Variants in PSMG2 observed in about 807,000 individuals in gnomAD.
PSMG2 encodes CD40 ligand-activated specific transcript 3.
In PSMG2, 21 loss-of-function variants were observed where a neutral mutation model predicts 31.5. The observed-to-expected ratio is 0.67, with a 90% CI of 0.47 to 0.96. The LOEUF is 0.96. PSMG2 is among the 40% of genes least tolerant of loss of function. The pLI is 0.00. For missense variants in PSMG2, 318 were observed against 321.2 expected (o/e 0.99, Z 0.08); for synonymous variants, 120 against 110.4 (o/e 1.09, Z -0.54).
chr18:12,683,186 C>CAAAAAAAAAAAAAAAAAAAAAAAAAAAA lies in PSMG2; in HGVS notation c.-36-23346_-36-23345insAAAAAAAAAAAAAAAAAAAAAAAAAAAA, dbSNP rs765652085. 1.7e-4 allele frequency among the ~76,000 whole-genome samples: 11 copies of CAAAAAAAAAAAAAAAAAAAAAAAAAAAA among 63,678 alleles called. 2 individuals carry two copies. Among genetic ancestry groups the CAAAAAAAAAAAAAAAAAAAAAAAAAAAA allele is most frequent in the Admixed American group, 5.5e-4 (3 of 5,502 alleles). 41.8% of individuals were successfully genotyped at this position (63,678 alleles called of 152,430 possible). ...GAAACCCCATCTCTACTAAAAATAC[C>CAAAAAAAAAAAAAAAAAAAAAAAAAAAA]AAAAAAAAAAAAAAAAAAGCCAGGC... On this transcript the variant is annotated intron_variant, in intron 1 of 6. Coordinates refer to the PSMG2 transcript ENST00000585331.
Position 12,718,532 on chromosome 18 carries a change from T to C in PSMG2, c.304T>C (p.Phe102Leu). 1 of 1,609,358 alleles carries C rather than the reference T, an allele frequency of 6.2e-7. No homozygotes were observed. The highest frequency in any genetic ancestry group is 1.1e-5 in the South Asian group (1 of 90,524). Residue 102 changes from phenylalanine (F) to leucine (L), a missense_variant, in exon 4 of 7, where the codon TTC (phenylalanine) becomes CTC (leucine). Coordinates refer to ENST00000317615, the MANE Select transcript of PSMG2 (RefSeq NM_020232.5). ...GTGTGCAAAGTATAAATCAAAGCCA[T>C]TCTGTGAAAAACTGCTTTCCTGGGT... ...SIFIKYKSKP[F>L]CEKLLSWVKS...
chr18:12,703,217 C>G, intron 1 of PSMG2, 53 bp downstream of exon 1: 4 of 1,546,256 alleles, frequency 2.6e-6, no homozygotes, highest in Non-Finnish European at 3.5e-6. Flanking sequence ...CCTGCGGTGT[C>G]GCCACCCCGA....
rs563656063 is a variant in PSMG2, at chr18:12,708,612, T to C, written c.229+1891T>C. Among the ~76,000 whole-genome samples the C allele has an allele frequency of 2.5e-3, 380 of 151,778 alleles. 1 individual carries two copies. The highest frequency in any genetic ancestry group is 8.8e-3 in the African/African-American group (366 of 41,400). ...CTCCCAAAATCAGGTGATCTGCCTG[T>C]CTTGGCCTCCTAAAGTGCTGGGATT... is the stretch of plus-strand genomic sequence containing the variant. On this transcript the variant is annotated intron_variant, in intron 2 of 6. Transcript: ENST00000317615.
At chr18:12,695,397 ATATT>A (rs1443694126) in intron 1 of PSMG2, 7 of 916,564 alleles carry the variant, frequency 7.6e-6, no homozygotes, top group Non-Finnish European at 1.1e-5. Flanking sequence ...AATACTATAT[ATATT>A]TAGTCAACCA....
At chr18:12,672,101 A>G (rs1488230942) in intron 1 of PSMG2, among the ~76,000 whole-genome samples, 2 of 146,976 alleles carry the variant, frequency 1.4e-5, no homozygotes, top group Non-Finnish European at 3.0e-5. Flanking sequence ...TACAGGTGTG[A>G]GCCACCATGC....
intron 3 of PSMG2, among the ~76,000 whole-genome samples, chr18:12,716,948 C>CT (rs56726339): frequency 0.028 from 3,267 of 116,710 alleles, 106 homozygotes; most frequent in East Asian, 0.079. Context: ...TTTTCTTTTA[C>CT]TTTTTTTTTT....
chr18:12,705,570 A>AGTGTGTGTGTGTGT (rs1361528977), intron 1 of PSMG2, among the ~76,000 whole-genome samples: 318 of 126,252 alleles, frequency 2.5e-3, no homozygotes, highest in Middle Eastern at 4.1e-3. Context: ...AGAGAGAGAG[A>AGTGTGTGTGTGTGT]GAGAGAGTGT....
At chr18:12,724,418 C>T (rs1455473461) in intron 5 of PSMG2, 81 bp from the exon 6 acceptor site, 19 of 1,350,718 alleles carry the variant, frequency 1.4e-5, no homozygotes, top group African/African-American at 6.0e-5. Context: ...GGTAGGTTAT[C>T]GTAGCTGTAA....
chr18:12,677,142 T>C (rs2039164565), intron 1 of PSMG2, among the ~76,000 whole-genome samples: 1 of 152,138 alleles, frequency 6.6e-6, no homozygotes, highest in Non-Finnish European at 1.5e-5. Context: ...AAAGGAAATC[T>C]ACATGCTATT....
upstream of PSMG2, chr18:12,702,684 G>T: frequency 1.0e-6 from 1 of 957,430 alleles, no homozygotes; most frequent in Non-Finnish European, 1.5e-6. Context: ...AGCTCCCGGG[G>T]GACGCAACGC....
chr18:12,716,917 C>T (rs1055164106), intron 3 of PSMG2, among the ~76,000 whole-genome samples: 5 of 151,206 alleles, frequency 3.3e-5, no homozygotes, highest in African/African-American at 1.2e-4. Flanking sequence ...ACCCAGGCAG[C>T]CTGGCTCCAG....
chr18:12,662,059 C>A, intron 1 of PSMG2: 1 of 364,364 alleles, frequency 2.7e-6, no homozygotes, highest in Non-Finnish European at 5.4e-6. Context: ...ATGCTTCATA[C>A]TCTGGAGGTA....
chr18:12,676,783 A>G (rs946264075), intron 1 of PSMG2, among the ~76,000 whole-genome samples: 4 of 152,174 alleles, frequency 2.6e-5, no homozygotes, highest in Non-Finnish European at 5.9e-5. Context: ...AAATGCTTTG[A>G]TAAGTTGACA....
At chr18:12,724,983 C>A in intron 6 of PSMG2, 1 of 303,874 alleles carries the variant, frequency 3.3e-6, no homozygotes, top group Non-Finnish European at 5.9e-6. Flanking sequence ...AATACTGTAG[C>A]TATTGAATAT....
chr18:12,686,110 T>C, intron 1 of PSMG2: 1 of 510,240 alleles, frequency 2.0e-6, no homozygotes, highest in Non-Finnish European at 3.4e-6. Context: ...GTATTTTTGA[T>C]CTGCAGTTGG....
chr18:12,720,345 A>C (rs1399674175), intron 4 of PSMG2, among the ~76,000 whole-genome samples, 165 bp from the exon 5 acceptor site: 1 of 151,422 alleles, frequency 6.6e-6, no homozygotes, highest in Non-Finnish European at 1.5e-5. Context: ...ATTGTCTCCT[A>C]AGTAAGTAAG....
chr18:12,672,563 A>G, intron 1 of PSMG2: 1 of 704,090 alleles, frequency 1.4e-6, no homozygotes, highest in Non-Finnish European at 1.7e-6. Flanking sequence ...ATGAAAGAAA[A>G]AAGGGTTTCA....
At chr18:12,712,641 A>C in intron 2 of PSMG2, 61 bp from the exon 3 acceptor site, 1 of 1,275,750 alleles carries the variant, frequency 7.8e-7, no homozygotes, top group East Asian at 2.3e-5. Context: ...TGTTTATCAT[A>C]ATAATTTCAA....
chr18:12,698,889 C>T, upstream of PSMG2: 6 of 907,366 alleles, frequency 6.6e-6, no homozygotes, highest in Non-Finnish European at 1.0e-5. Context: ...TTATAAATCT[C>T]TCCTTACAGA....
Sources: allele counts gnomAD v4.1 joint callset (sites outside exome capture counted in the v4.1 genomes callset), GRCh38; gene constraint gnomAD v4.1.1; transcripts MANE v1.5; gene names NCBI Gene and HGNC (gene_info 2026-07-23, HGNC 2026-07-21).